Variants in GHR observed in about 807,000 individuals in gnomAD.
GHR encodes the protein GH receptor.
Under a neutral mutation model 67.1 loss-of-function variants are expected in GHR, and 35 were observed. That is an observed-to-expected ratio of 0.52 (90% CI 0.40 to 0.69). The LOEUF is 0.69. Among genes scored for constraint, GHR ranks in the 30% least tolerant of loss-of-function variants. GHR has a pLI of 0.00. For missense variants in GHR, 792 were observed against 764.6 expected (o/e 1.04, Z -0.42); for synonymous variants, 272 against 269.1 (o/e 1.01, Z -0.10).
At chr5:42,707,366 C>T (rs1176795655) in intron 6 of GHR, among the ~76,000 whole-genome samples, 4 of 151,648 alleles carry the variant, frequency 2.6e-5, no homozygotes, top group Admixed American at 1.3e-4. Context: ...TGCATATTAC[C>T]ATGAAAATAT....
At chr5:42,718,254 T>G (rs1468810253) in intron 9 of GHR, 133 bp downstream of exon 9, 1 of 716,570 alleles carries the variant, frequency 1.4e-6, no homozygotes, top group African/African-American at 1.9e-5. Flanking sequence ...TGGAGAAAAT[T>G]TTTTTAAATA....
At chr5:42,605,090 CTTT>C (rs57499086) in intron 2 of GHR, among the ~76,000 whole-genome samples, 10 of 90,068 alleles carry the variant, frequency 1.1e-4, no homozygotes, top group Non-Finnish European at 1.5e-4. Context: ...TGTGGTGCCT[CTTT>C]TTTTTTTTTT....
chr5:42,696,103 C>T (rs1757660140), intron 5 of GHR, among the ~76,000 whole-genome samples: 1 of 152,198 alleles, frequency 6.6e-6, no homozygotes, highest in Admixed American at 6.5e-5. Flanking sequence ...AATGGGATAG[C>T]AGAATGGGAT....
In GHR at chr5:42,721,403, G is replaced by A. The variant is rs1407464518; in HGVS notation, c.*1979G>A. 3.3e-5 allele frequency: 5 copies of A among 152,098 alleles called. No individual in the cohort carries two copies. The highest frequency in any genetic ancestry group is 7.2e-5 in the African/African-American group (3 of 41,414). 9.4% of individuals were successfully genotyped at this position (152,098 alleles called of 1,614,324 possible). On this transcript the variant is annotated 3_prime_UTR_variant, in exon 10 of 10. Transcript: ENST00000230882. ...CCTTTTTTAGGAAGCAAGCTTAATGGCTGATAATTTTAAATTCTCTCTCTT... is the reference window on the plus strand; with the variant it reads ...CCTTTTTTAGGAAGCAAGCTTAATGACTGATAATTTTAAATTCTCTCTCTT...
chr5:42,498,269 C>T (rs1322197959), intron 1 of GHR, among the ~76,000 whole-genome samples: 5 of 152,120 alleles, frequency 3.3e-5, no homozygotes, highest in Admixed American at 1.3e-4. Flanking sequence ...TAGACAGAAG[C>T]CTGCTTTGAA....
At chr5:42,712,050 T>C (rs1196056834) in intron 7 of GHR, among the ~76,000 whole-genome samples, 1 of 152,100 alleles carries the variant, frequency 6.6e-6, no homozygotes, top group Non-Finnish European at 1.5e-5. Context: ...AACTGATTAA[T>C]GATGAGCAGA....
chr5:42,465,670 C>T (rs1321201644), intron 1 of GHR: 1 of 860,558 alleles, frequency 1.2e-6, no homozygotes, highest in Admixed American at 1.7e-5. Context: ...CTCCACGTTA[C>T]AGGTCCTCGT....
intron 3 of GHR, among the ~76,000 whole-genome samples, chr5:42,636,623 T>G (rs183336129): frequency 6.6e-6 from 1 of 152,374 alleles, no homozygotes; most frequent in Non-Finnish European, 1.5e-5. Context: ...AAAAGCCCTT[T>G]GTTCACACTG....
At chr5:42,532,254 A>G (rs1427061323) in intron 1 of GHR, among the ~76,000 whole-genome samples, 1 of 152,208 alleles carries the variant, frequency 6.6e-6, no homozygotes, top group Non-Finnish European at 1.5e-5. Context: ...GAGTCAAGTC[A>G]TCAGAACTTC....
At chr5:42,661,340 A>C in intron 3 of GHR, among the ~76,000 whole-genome samples, 1 of 152,232 alleles carries the variant, frequency 6.6e-6, no homozygotes, top group Non-Finnish European at 1.5e-5. Context: ...AAAAATGTTC[A>C]GGGCAGCCAG....
At chr5:42,687,309 G>T (rs768227128) in intron 3 of GHR, among the ~76,000 whole-genome samples, 3 of 152,048 alleles carry the variant, frequency 2.0e-5, no homozygotes, top group Non-Finnish European at 2.9e-5. Flanking sequence ...CACAGAATTG[G>T]AAAAAAACTA....
chr5:42,646,469 A>T, intron 3 of GHR: 1 of 345,624 alleles, frequency 2.9e-6, no homozygotes, highest in South Asian at 2.4e-5. Context: ...TTATTTACCC[A>T]GGTAAATAAG....
intron 3 of GHR, among the ~76,000 whole-genome samples, chr5:42,633,937 A>G (rs1754044646): frequency 1.3e-5 from 2 of 152,120 alleles, no homozygotes; most frequent in African/African-American, 4.8e-5. Flanking sequence ...TTATCCACAA[A>G]GCTTTGCCCA....
chr5:42,468,462 G>T, intron 1 of GHR: 1 of 842,518 alleles, frequency 1.2e-6, no homozygotes, highest in Non-Finnish European at 1.9e-6. Flanking sequence ...GTGCGCAGCT[G>T]AGAGGCCCGA....
At chr5:42,684,721 A>G (rs1249423145) in intron 3 of GHR, among the ~76,000 whole-genome samples, 1 of 152,090 alleles carries the variant, frequency 6.6e-6, no homozygotes, top group Non-Finnish European at 1.5e-5. Flanking sequence ...ACTCTTGTAA[A>G]TTTCTCCATT....
intron 3 of GHR, among the ~76,000 whole-genome samples, chr5:42,682,320 A>G (rs1756924951): frequency 6.6e-6 from 1 of 152,214 alleles, no homozygotes; most frequent in South Asian, 2.1e-4. Flanking sequence ...TTTTAGATTT[A>G]ATCTTTAAAA....
At chr5:42,708,334 A>G (rs1334677389) in intron 6 of GHR, among the ~76,000 whole-genome samples, 2 of 152,194 alleles carry the variant, frequency 1.3e-5, no homozygotes, top group African/African-American at 4.8e-5. Context: ...AAGCAGTTAT[A>G]AAAATACAGT....
chr5:42,602,876 C>T (rs922162854), intron 2 of GHR, among the ~76,000 whole-genome samples: 2 of 152,016 alleles, frequency 1.3e-5, no homozygotes, highest in Admixed American at 1.3e-4. Context: ...TGTTTTAATA[C>T]TTGTCTTTTA....
intron 2 of GHR, among the ~76,000 whole-genome samples, chr5:42,614,429 G>A (rs1398745430): frequency 6.6e-6 from 1 of 151,900 alleles, no homozygotes. Flanking sequence ...GGACCTTGCA[G>A]ATTCTGATTC....
Sources: gnomAD v4.1 joint callset for allele counts (sites outside exome capture counted in the v4.1 genomes callset) on GRCh38, gnomAD v4.1.1 for gene constraint, MANE v1.5 for transcripts, NCBI Gene and HGNC (gene_info 2026-07-23, HGNC 2026-07-21) for gene names.